ABCC4: variants seen among roughly 807,000 people sequenced by gnomAD.
ABCC4 encodes ATP-binding cassette sub-family C member 4.
In ABCC4, 102 loss-of-function variants were observed where a neutral mutation model predicts 168.5. The ratio of observed to expected loss-of-function variants is 0.61; its 90% CI spans 0.52 to 0.71. ABCC4 has a LOEUF of 0.71. Among genes scored for constraint, ABCC4 ranks in the 30% least tolerant of loss-of-function variants. The probability of loss-of-function intolerance (pLI) is 0.00; values close to 1 mark genes in which losing one functional copy is unlikely to be tolerated. For missense variants in ABCC4, 1,402 were observed against 1,605.8 expected (o/e 0.87, Z 2.17); for synonymous variants, 617 against 590.7 (o/e 1.04, Z -0.65).
chr13:95,223,980 T>C (rs1238429560), intron 4 of ABCC4, among the ~76,000 whole-genome samples: 1 of 151,900 alleles, frequency 6.6e-6, no homozygotes, highest in Non-Finnish European at 1.5e-5. Context: ...GTTTAATATA[T>C]ATGTAATAGG....
At chr13:95,168,352 T>C (rs1729766) in intron 14 of ABCC4, among the ~76,000 whole-genome samples, 12,257 of 152,148 alleles carry the variant, frequency 0.081, 886 homozygotes, top group African/African-American at 0.19. Flanking sequence ...ACGGAACCAC[T>C]TCTGAAGAGG....
At chr13:95,258,438 A>G (rs541679828) in intron 1 of ABCC4, among the ~76,000 whole-genome samples, 6 of 152,224 alleles carry the variant, frequency 3.9e-5, no homozygotes, top group Admixed American at 1.3e-4. Context: ...GCAGGTCTCA[A>G]TCCCCAGAAA....
In ABCC4 at chr13:95,071,773, T is replaced by C. The variant is rs761001967; in HGVS notation, c.3099A>G (p.Pro1033=). The C allele has an allele frequency of 1.9e-6, 3 of 1,609,060 alleles. No individual in the cohort carries two copies. Among genetic ancestry groups the C allele is most frequent in the Non-Finnish European group, 1.7e-6 (2 of 1,177,678 alleles). ...TTATCACTCCTTCATGGGGCCAGGCTGGTGGTGGGCGTTTCTGATATTCCC... is the reference window on the plus strand; with the variant it reads ...TTATCACTCCTTCATGGGGCCAGGCCGGTGGTGGGCGTTTCTGATATTCCC... ...APWEYQKRPP[P]AWPHEGVIIF... is the part of the protein sequence containing the mutation. Residue 1033 remains proline, a synonymous_variant, in exon 25 of 31, where the codon CCA becomes CCG. Coordinates refer to ENST00000645237, the MANE Select transcript of ABCC4 (RefSeq NM_005845.5).
chr13:95,218,653 A>C (rs1414632063), intron 4 of ABCC4, among the ~76,000 whole-genome samples: 2 of 151,818 alleles, frequency 1.3e-5, no homozygotes, highest in African/African-American at 2.4e-5. Flanking sequence ...GGAGTTCAAG[A>C]CTAGACTGGG....
At chr13:95,284,266 AGCCACAACCTCC>A (rs2041203391) in intron 1 of ABCC4, among the ~76,000 whole-genome samples, 1 of 152,126 alleles carries the variant, frequency 6.6e-6, no homozygotes, top group Admixed American at 6.5e-5. Flanking sequence ...GTGTCACTGC[AGCCACAACCTCC>A]TGGGCTCAGG....
Position 95,186,870 on chromosome 13 carries a change from A to G in ABCC4, c.1376T>C (p.Leu459Pro). ...AGKSSLLSAV[L>P]GELAPSHGLV... ...CCCGTGACTTGGGGCCAATTCCCCG[A>G]GCACGGCACTTAACAGTGATGACTG... Residue 459 changes from leucine (L) to proline (P), a missense_variant, in exon 11 of 31, where the codon CTC (leucine) becomes CCC (proline). Physicochemically the swap from Leu to Pro is moderately conservative, Grantham distance 98. This residue lies in a region of ABCC4 where 1,007 missense variants were observed against 1,127.3 expected (regional missense o/e 0.89). Transcript: ENST00000645237. 1 of 1,613,252 alleles carries G rather than the reference A, an allele frequency of 6.2e-7. No individual in the cohort carries two copies. The highest frequency in any genetic ancestry group is 8.5e-7 in the Non-Finnish European group (1 of 1,179,754).
intron 21 of ABCC4, among the ~76,000 whole-genome samples, chr13:95,078,090 C>G (rs1241251554): frequency 6.6e-6 from 1 of 152,164 alleles, no homozygotes; most frequent in African/African-American, 2.4e-5. Flanking sequence ...GGGGCCCTCT[C>G]CTGTGATAGT....
intron 25 of ABCC4, among the ~76,000 whole-genome samples, chr13:95,068,971 C>T (rs2033638211): frequency 6.6e-6 from 1 of 152,224 alleles, no homozygotes; most frequent in African/African-American, 2.4e-5. Flanking sequence ...GAGTGGTCTC[C>T]ACCTTCTTCA....
rs117651011 is a variant in ABCC4, at chr13:95,283,918, C to T, written c.74+17323G>A. On this transcript the variant is annotated intron_variant, in intron 1 of 30. Transcript: ENST00000645237. The stretch of plus-strand genomic sequence containing the variant: ...CGTCTCAAAAAAAAAAAAAGAGTGG[C>T]GCCAGGTGCAGTGGCTCACGCCTGT... Among the ~76,000 whole-genome samples, 480 of 143,980 alleles carry T rather than the reference C, an allele frequency of 3.3e-3. 23 individuals are homozygous for T. In the East Asian group the frequency reaches 0.084, roughly 25 times the overall value. 94.5% of individuals were successfully genotyped at this position (143,980 alleles called of 152,430 possible).
Position 95,178,220 on chromosome 13 carries a change from C to G in ABCC4, c.1546-129G>C, listed in dbSNP as rs187442704. On this transcript the variant is annotated intron_variant, in intron 11 of 30. Coordinates refer to ENST00000645237, the MANE Select transcript of ABCC4 (RefSeq NM_005845.5). ...CTTCAGAAATTTACATGTATTTGATCAACAGCAATGGAAATATTTCATAGT... is the reference window on the plus strand; with the variant it reads ...CTTCAGAAATTTACATGTATTTGATGAACAGCAATGGAAATATTTCATAGT... The G allele has an allele frequency of 8.7e-4, 667 of 766,436 alleles. 4 individuals are homozygous for G. In the African/African-American group the frequency reaches 0.011, roughly 12 times the overall value. The allele number at this position is 766,436 out of a possible 1,614,324, so 47.5% of individuals were successfully genotyped here.
At chr13:95,206,503 A>G (rs1269330799) in intron 8 of ABCC4, 29 bp downstream of exon 8, 5 of 1,606,480 alleles carry the variant, frequency 3.1e-6, no homozygotes, top group Non-Finnish European at 4.3e-6. Flanking sequence ...AAATGCACCT[A>G]CAACTTTAAA....
chr13:95,065,906 G>T (rs1235006685), intron 25 of ABCC4, among the ~76,000 whole-genome samples: 1 of 152,110 alleles, frequency 6.6e-6, no homozygotes, highest in East Asian at 1.9e-4. Context: ...AAATCAATTG[G>T]CTTCAGGCCT....
At chr13:95,036,992 G>A (rs566068178) in intron 29 of ABCC4, among the ~76,000 whole-genome samples, 28 of 143,320 alleles carry the variant, frequency 2.0e-4, no homozygotes, top group Non-Finnish European at 3.6e-4. Context: ...GCTAAGGCAC[G>A]AGAATCACTT....
At chr13:95,238,195 G>GA (rs10644641) in intron 3 of ABCC4, among the ~76,000 whole-genome samples, 3,047 of 65,836 alleles carry the variant, frequency 0.046, 175 homozygotes, top group African/African-American at 0.13. Flanking sequence ...CTCCATCTCA[G>GA]AAAAAAAAAA....
At chr13:95,166,712 TGAG>T (rs1376969627) in intron 14 of ABCC4, among the ~76,000 whole-genome samples, 1 of 152,130 alleles carries the variant, frequency 6.6e-6, no homozygotes, top group African/African-American at 2.4e-5. Flanking sequence ...ATGAGTAAAT[TGAG>T]GAGGATATTC....
rs1351108858 is a variant in ABCC4, at chr13:95,021,172, C to A, written c.*403G>T. ...ACAATGAGACAAAATGGCAACTTCA[C>A]AGTCTTCAAGTAAATAGAATCCCTG... On this transcript the variant is annotated 3_prime_UTR_variant, in exon 31 of 31. Coordinates refer to ENST00000645237, the MANE Select transcript of ABCC4 (RefSeq NM_005845.5). 1 of 157,802 alleles carries A rather than the reference C, an allele frequency of 6.3e-6. No homozygotes were observed. The highest frequency in any genetic ancestry group is 1.4e-5 in the Non-Finnish European group (1 of 71,848). The allele number at this position is 157,802 out of a possible 1,614,324, so 9.8% of individuals were successfully genotyped here.
intron 1 of ABCC4, among the ~76,000 whole-genome samples, chr13:95,296,185 A>ACACACACACACAC (rs2041531845): frequency 8.4e-5 from 1 of 11,906 alleles, no homozygotes; most frequent in Non-Finnish European, 4.9e-4. Flanking sequence ...CACACACACA[A>ACACACACACACAC]AAACACAAAA....
chr13:95,245,497 G>A (rs937563992), intron 3 of ABCC4, among the ~76,000 whole-genome samples: 1 of 152,190 alleles, frequency 6.6e-6, no homozygotes, highest in Non-Finnish European at 1.5e-5. Context: ...GGGCCATGTG[G>A]AAACACTATC....
At chr13:95,209,702 CAG>C (rs2038898716) in intron 5 of ABCC4, 105 bp from the exon 6 acceptor site, 1 of 1,115,270 alleles carries the variant, frequency 9.0e-7, no homozygotes, top group East Asian at 2.7e-5. Context: ...AGATCCTAAA[CAG>C]AAATGGCCAC....
Sources: gnomAD v4.1 joint callset for allele counts (sites outside exome capture counted in the v4.1 genomes callset) on GRCh38, gnomAD v4.1.1 for gene constraint, gnomAD v4.1.1 regional missense constraint, MANE v1.5 for transcripts, NCBI Gene and HGNC (gene_info 2026-07-23, HGNC 2026-07-21) for gene names.